Variants in PAK3 observed in about 807,000 individuals in gnomAD.
The protein encoded by PAK3 is serine/threonine-protein kinase PAK 3.
In PAK3, 4 loss-of-function variants were observed where a neutral mutation model predicts 41.0. The ratio of observed to expected loss-of-function variants is 0.10; its 90% CI spans 0.05 to 0.22. The LOEUF (loss-of-function observed/expected upper bound fraction) is 0.22. Ranked by LOEUF, PAK3 falls within the 10% of genes least tolerant of loss-of-function variation. The pLI is 1.00. For missense variants in PAK3, 205 were observed against 409.9 expected (o/e 0.50, Z 4.32); for synonymous variants, 146 against 139.6 (o/e 1.05, Z -0.32).
Position 110,953,278 on chromosome X carries a change from A to G in PAK3, c.-28+8650A>G, listed in dbSNP as rs773317141. The stretch of plus-strand genomic sequence containing the variant: ...TTGGGAGGCAGAAGTCCAGGGTTCG[A>G]GTTCTGGTTTTGTTATTAATTAGTT... On this transcript the variant is annotated intron_variant, in intron 1 of 14. Transcript: ENST00000425146. Among the ~76,000 whole-genome samples, 132 of 111,677 alleles carry G rather than the reference A, an allele frequency of 1.2e-3. 1 individual carries two copies. Among genetic ancestry groups the G allele is most frequent in the Non-Finnish European group, 2.0e-3 (104 of 53,152 alleles).
At chrX:111,023,660 T>C (rs1222729242) in intron 1 of PAK3, among the ~76,000 whole-genome samples, 1 of 112,582 alleles carries the variant, frequency 8.9e-6, no homozygotes, top group Non-Finnish European at 1.9e-5. Context: ...GAGCATTTTT[T>C]CATAAGTTTG....
At chrX:111,141,357 A>T (rs551283929) in intron 5 of PAK3, among the ~76,000 whole-genome samples, 32 of 111,955 alleles carry the variant, frequency 2.9e-4, no homozygotes, top group Middle Eastern at 4.6e-3. Context: ...TGAATGGCTG[A>T]TATGACAAAA....
intron 1 of PAK3, among the ~76,000 whole-genome samples, chrX:110,985,143 A>G (rs1457006024): frequency 8.9e-6 from 1 of 111,791 alleles, no homozygotes; most frequent in Non-Finnish European, 1.9e-5. Flanking sequence ...AAAGCCTTCC[A>G]TTTATATTTT....
chrX:111,200,534 C>T (rs1043946414), intron 16 of PAK3, among the ~76,000 whole-genome samples: 2 of 112,285 alleles, frequency 1.8e-5, no homozygotes, highest in South Asian at 3.7e-4. Flanking sequence ...ATTTTCCCAC[C>T]GTTTGTGGGT....
Position 111,196,622 on chromosome X carries a change from T to C in PAK3, c.1389T>C (p.Leu463=). The C allele has an allele frequency of 8.4e-7, 1 of 1,190,601 alleles. No individual in the cohort carries two copies. Among genetic ancestry groups the C allele is most frequent in the East Asian group, 3.0e-5 (1 of 33,742 alleles). The change falls in exon 16 of 18, where the codon CTT becomes CTC. Residue 463 remains leucine (L), a synonymous_variant. Transcript: ENST00000372007. ...TGGTGGAAGGTGAACCCCCTTACCTTAATGAAAATCCACTCAGGGTAAGTC... is the reference window on the plus strand; with the variant it reads ...TGGTGGAAGGTGAACCCCCTTACCTCAATGAAAATCCACTCAGGGTAAGTC... ...IEMVEGEPPY[L]NENPLRALYL...
At chrX:111,126,454 C>T (rs2093650371) in intron 5 of PAK3, among the ~76,000 whole-genome samples, 3 of 110,646 alleles carry the variant, frequency 2.7e-5, no homozygotes, top group Non-Finnish European at 5.7e-5. Context: ...TTCTGTGTTC[C>T]TATCTCTTGG....
intron 1 of PAK3, among the ~76,000 whole-genome samples, chrX:111,079,035 G>C (rs1415227110): frequency 8.9e-6 from 1 of 111,881 alleles, no homozygotes; most frequent in African/African-American, 3.2e-5. Flanking sequence ...TTTGAAGCTA[G>C]CAGTGATTAG....
chrX:111,030,651 G>A (rs2092329442), intron 1 of PAK3, among the ~76,000 whole-genome samples: 1 of 110,955 alleles, frequency 9.0e-6, no homozygotes, highest in Non-Finnish European at 1.9e-5. Context: ...TGGATGGATG[G>A]AGCTAGATGG....
At chrX:111,027,108 A>G (rs1212111121) in intron 1 of PAK3, among the ~76,000 whole-genome samples, 2 of 111,791 alleles carry the variant, frequency 1.8e-5, no homozygotes, top group African/African-American at 6.5e-5. Flanking sequence ...GGCAAGCCAC[A>G]TGTAGAAGAA....
At chrX:110,997,119 A>G (rs1241452808) in intron 1 of PAK3, among the ~76,000 whole-genome samples, 1 of 111,273 alleles carries the variant, frequency 9.0e-6, no homozygotes, top group Non-Finnish European at 1.9e-5. Context: ...ATGTTTGAAG[A>G]ACAGCAAGGG....
At chrX:111,063,627 TCG>T (rs2092676166) in intron 1 of PAK3, among the ~76,000 whole-genome samples, 1 of 111,062 alleles carries the variant, frequency 9.0e-6, no homozygotes, top group African/African-American at 3.3e-5. Flanking sequence ...AATGACTCCT[TCG>T]AGACCAGCCT....
At chrX:110,996,785 G>A (rs2091748162) in intron 1 of PAK3, among the ~76,000 whole-genome samples, 1 of 111,884 alleles carries the variant, frequency 8.9e-6, no homozygotes. Flanking sequence ...CCTTGATCTT[G>A]GACTTCCAGC....
chrX:111,156,914 T>G (rs2094113886), intron 8 of PAK3, among the ~76,000 whole-genome samples: 1 of 112,062 alleles, frequency 8.9e-6, no homozygotes, highest in Non-Finnish European at 1.9e-5. Flanking sequence ...GAAAATAAAA[T>G]GACATATTTA....
intron 16 of PAK3, among the ~76,000 whole-genome samples, chrX:111,208,303 C>T (rs1569467877): frequency 8.9e-6 from 1 of 111,733 alleles, no homozygotes; most frequent in African/African-American, 3.3e-5. Context: ...AATTTATTAT[C>T]GAAGAAAGAC....
At chrX:111,186,849 A>G (rs2094516303) in intron 11 of PAK3, among the ~76,000 whole-genome samples, 1 of 112,062 alleles carries the variant, frequency 8.9e-6, no homozygotes, top group Admixed American at 9.5e-5. Context: ...TTAAGGTTTT[A>G]TTTTGTAAAT....
At chrX:111,046,459 A>G (rs891962591) in intron 1 of PAK3, among the ~76,000 whole-genome samples, 23 of 111,854 alleles carry the variant, frequency 2.1e-4, no homozygotes, top group African/African-American at 7.5e-4. Context: ...AGCTTACCAT[A>G]TATACTTGTT....
At chrX:111,180,957 TTTTC>T (rs1288278758) in intron 11 of PAK3, among the ~76,000 whole-genome samples, 1 of 111,957 alleles carries the variant, frequency 8.9e-6, no homozygotes, top group African/African-American at 3.2e-5. Flanking sequence ...ATATGTGCAT[TTTTC>T]TTTCTGAGTT....
intron 5 of PAK3, among the ~76,000 whole-genome samples, chrX:111,124,809 A>G (rs1010378743): frequency 4.5e-5 from 5 of 111,382 alleles, no homozygotes; most frequent in Non-Finnish European, 7.5e-5. Flanking sequence ...AGCCCAGATG[A>G]ATCTTCCTCT....
intron 1 of PAK3, among the ~76,000 whole-genome samples, chrX:111,084,986 T>C (rs1242638599): frequency 9.0e-6 from 1 of 111,674 alleles, no homozygotes; most frequent in Non-Finnish European, 1.9e-5. Flanking sequence ...AGCTTTGGGC[T>C]CTCAGTTCAC....
Sources: gnomAD v4.1 joint callset for allele counts (sites outside exome capture counted in the v4.1 genomes callset) on GRCh38, gnomAD v4.1.1 for gene constraint, MANE v1.5 for transcripts, NCBI Gene and HGNC (gene_info 2026-07-23, HGNC 2026-07-21) for gene names.